DHRSX: variants seen among roughly 807,000 people sequenced by gnomAD.
DHRSX encodes the protein polyprenol dehydrogenase.
A neutral mutation model predicts 34.0 loss-of-function variants in DHRSX; 31 were observed. The observed-to-expected ratio is 0.91, with a 90% CI of 0.69 to 1.23. The LOEUF (loss-of-function observed/expected upper bound fraction) is 1.23, where lower values mean the gene tolerates loss of function less well. DHRSX is among the 50% of genes most tolerant of loss of function. The pLI is 0.00. For synonymous variants in DHRSX, 201 were observed against 183.8 expected (o/e 1.09, Z -0.76); for missense variants, 414 against 428.1 (o/e 0.97, Z 0.29).
intron 4 of DHRSX, among the ~76,000 whole-genome samples, chrX:2,274,166 T>A (rs2041594081): frequency 6.6e-6 from 1 of 151,280 alleles, no homozygotes; most frequent in African/African-American, 2.4e-5. Context: ...GCCTCCCGAG[T>A]ACATGGGATT....
chrX:2,305,396 T>C (rs1317266970), intron 3 of DHRSX, among the ~76,000 whole-genome samples: 1 of 151,740 alleles, frequency 6.6e-6, no homozygotes, highest in Non-Finnish European at 1.5e-5. Flanking sequence ...TTGGTGAGAG[T>C]GGAAGTTAGT....
intron 3 of DHRSX, among the ~76,000 whole-genome samples, chrX:2,315,072 T>A (rs1028567873): frequency 7.6e-4 from 116 of 151,910 alleles, no homozygotes; most frequent in Non-Finnish European, 1.5e-3. Flanking sequence ...GCAGGAGAAT[T>A]GCCTGAACCC....
intron 3 of DHRSX, among the ~76,000 whole-genome samples, chrX:2,310,832 G>T (rs1056135978): frequency 2.0e-5 from 3 of 151,798 alleles, no homozygotes; most frequent in Non-Finnish European, 4.4e-5. Flanking sequence ...AGGCCGAGGC[G>T]GGTGGATCGC....
chrX:2,403,405 T>G (rs1285846676), intron 3 of DHRSX, among the ~76,000 whole-genome samples: 1 of 152,218 alleles, frequency 6.6e-6, no homozygotes, highest in African/African-American at 2.4e-5. Flanking sequence ...TAAGATTGGC[T>G]TAAAGGCCAT....
At chrX:2,462,520 A>G (rs1230037770) in intron 1 of DHRSX, among the ~76,000 whole-genome samples, 7 of 129,010 alleles carry the variant, frequency 5.4e-5, no homozygotes, top group Non-Finnish European at 1.6e-5. Context: ...GGGCAACAAG[A>G]GCAAAACTCC....
At chrX:2,442,532 A>G (rs2044076618) in intron 1 of DHRSX, among the ~76,000 whole-genome samples, 1 of 152,004 alleles carries the variant, frequency 6.6e-6, no homozygotes. Flanking sequence ...CGTATGCAAC[A>G]CACTGGCCAT....
intron 3 of DHRSX, among the ~76,000 whole-genome samples, chrX:2,383,067 A>G (rs1439530636): frequency 2.6e-5 from 4 of 151,022 alleles, no homozygotes; most frequent in African/African-American, 7.4e-5. Context: ...CACCATCACC[A>G]TCATCAGCAG....
At chrX:2,284,522 C>T (rs1022498804) in intron 4 of DHRSX, among the ~76,000 whole-genome samples, 5 of 152,128 alleles carry the variant, frequency 3.3e-5, no homozygotes, top group African/African-American at 9.7e-5. Flanking sequence ...CACCCTGTAT[C>T]GTGGACGTAT....
intron 2 of DHRSX, among the ~76,000 whole-genome samples, chrX:2,414,884 C>T (rs183928445): frequency 2.0e-5 from 3 of 151,920 alleles, no homozygotes; most frequent in Admixed American, 1.3e-4. Context: ...AACTAATTCT[C>T]ATAATGACCA....
At chrX:2,402,284 G>T (rs1261153919) in intron 3 of DHRSX, among the ~76,000 whole-genome samples, 7 of 152,234 alleles carry the variant, frequency 4.6e-5, no homozygotes. Flanking sequence ...TCTGTCCCTC[G>T]CTGGGCAACT....
At chrX:2,301,800 G>A (rs1273527536) in intron 3 of DHRSX, among the ~76,000 whole-genome samples, 1 of 152,066 alleles carries the variant, frequency 6.6e-6, no homozygotes, top group African/African-American at 2.4e-5. Context: ...CACCACGCCT[G>A]GCTAATTTTT....
intron 3 of DHRSX, among the ~76,000 whole-genome samples, chrX:2,360,637 C>G (rs1419546778): frequency 6.6e-6 from 1 of 151,948 alleles, no homozygotes; most frequent in East Asian, 1.9e-4. Context: ...TATCAACATC[C>G]ACCTCTGGAA....
chrX:2,422,791 GTTTATTTTTTT>G (rs1569499444), intron 2 of DHRSX, among the ~76,000 whole-genome samples: 1 of 150,380 alleles, frequency 6.6e-6, no homozygotes, highest in African/African-American at 2.4e-5. Context: ...AAAACATTTT[GTTTATTTTTTT>G]GAGACTGAGT....
chrX:2,493,588 C>T (rs1010695261), intron 1 of DHRSX, among the ~76,000 whole-genome samples: 2 of 151,692 alleles, frequency 1.3e-5, no homozygotes, highest in African/African-American at 4.8e-5. Context: ...GGTCCCAGTA[C>T]CAGTAACAAA....
chrX:2,297,162 A>T (rs1440267288), intron 3 of DHRSX, among the ~76,000 whole-genome samples: 1 of 152,190 alleles, frequency 6.6e-6, no homozygotes, highest in Non-Finnish European at 1.5e-5. Flanking sequence ...TCGTTCTGTC[A>T]CCCAGGCTGG....
intron 6 of DHRSX, among the ~76,000 whole-genome samples, chrX:2,227,363 AG>A (rs1226312970): frequency 0.027 from 4,078 of 151,622 alleles, 199 homozygotes; most frequent in African/African-American, 0.093. Flanking sequence ...AAGAGGAAGA[AG>A]AAAGGAGGAA....
chrX:2,474,424 G>A (rs1392011091), intron 1 of DHRSX, among the ~76,000 whole-genome samples: 11 of 144,134 alleles, frequency 7.6e-5, no homozygotes, highest in South Asian at 4.4e-4. Context: ...CTAAGGGACC[G>A]CCCCCATGTA....
chrX:2,244,045 AC>A (rs1267485534), intron 5 of DHRSX, among the ~76,000 whole-genome samples: 1 of 152,004 alleles, frequency 6.6e-6, no homozygotes, highest in African/African-American at 2.4e-5. Context: ...TGCTGGGATG[AC>A]AGGCATGAGC....
At chrX:2,471,569 A>T (rs1411109633) in intron 1 of DHRSX, among the ~76,000 whole-genome samples, 1 of 151,848 alleles carries the variant, frequency 6.6e-6, no homozygotes, top group Admixed American at 6.6e-5. Context: ...CATCTCAAAA[A>T]AAAAAAAAGA....
Sources: gnomAD v4.1 joint callset for allele counts (sites outside exome capture counted in the v4.1 genomes callset) on GRCh38, gnomAD v4.1.1 for gene constraint, MANE v1.5 for transcripts, NCBI Gene and HGNC (gene_info 2026-07-23, HGNC 2026-07-21) for gene names.